The following DCP2 variants were observed in gnomAD, a reference collection of about 807,000 sequenced individuals.
DCP2 encodes decapping mRNA 2.
In DCP2, 30 loss-of-function variants were observed where a neutral mutation model predicts 56.1. The observed-to-expected ratio is 0.53, with a 90% CI of 0.40 to 0.73. The LOEUF is 0.73. DCP2 is among the 30% of genes least tolerant of loss of function. The probability of loss-of-function intolerance (pLI) is 0.00; values close to 1 mark genes in which losing one functional copy is unlikely to be tolerated. For missense variants in DCP2, 533 were observed against 502.7 expected (o/e 1.06, Z -0.58); for synonymous variants, 197 against 163.3 (o/e 1.21, Z -1.57).
At position 113,016,097 on chromosome 5, in the gene DCP2, T is replaced by A. The variant is rs570557013; in HGVS notation, c.*2613T>A. The A allele has an allele frequency of 6.5e-6, 1 of 152,752 alleles. No homozygotes were observed. The highest frequency in any genetic ancestry group is 1.9e-4 in the East Asian group (1 of 5,192). 9.5% of individuals were successfully genotyped at this position (152,752 alleles called of 1,614,324 possible). A position where few individuals can be genotyped will look rare whatever the true frequency, so the allele number is the denominator to read the frequency against. On this transcript the variant is annotated 3_prime_UTR_variant, in exon 11 of 11. Coordinates refer to ENST00000389063, the MANE Select transcript of DCP2 (RefSeq NM_152624.6). The stretch of plus-strand genomic sequence containing the variant: ...TGTGAATCTTTTATTTTTAAAAAAA[T>A]TTGTAGGTGCTTTTATGTATAACTT...
rs1175937992 is a variant in DCP2 at position 113,019,569 on chromosome 5, T to C, written c.*6085T>C. The C allele has an allele frequency of 6.6e-6, 1 of 152,168 alleles. No homozygotes were observed. Among genetic ancestry groups the C allele is most frequent in the Non-Finnish European group, 1.5e-5 (1 of 68,014 alleles). The allele number at this position is 152,168 out of a possible 1,614,324, so 9.4% of individuals were successfully genotyped here. A position where few individuals can be genotyped will look rare whatever the true frequency, so the allele number is the denominator to read the frequency against. ...TCTTTGGTCATATTTCACTTTAGAGTTAGGACAGGAGACAGCTAACCTGAC... is the reference window on the plus strand; with the variant it reads ...TCTTTGGTCATATTTCACTTTAGAGCTAGGACAGGAGACAGCTAACCTGAC... On this transcript the variant is annotated 3_prime_UTR_variant, in exon 11 of 11. Coordinates refer to ENST00000389063, the MANE Select transcript of DCP2 (RefSeq NM_152624.6).
intron 8 of DCP2, 62 bp from the exon 9 acceptor site, chr5:113,007,876 A>AT (rs1207745838): frequency 6.1e-5 from 86 of 1,404,112 alleles, no homozygotes; most frequent in South Asian, 1.3e-4. Flanking sequence ...TTCATGGGGT[A>AT]TTTTTTTTGT....
intron 2 of DCP2, among the ~76,000 whole-genome samples, chr5:112,986,332 ATTT>A (rs1039607788): frequency 1.4e-5 from 2 of 142,934 alleles, no homozygotes; most frequent in Non-Finnish European, 3.0e-5. Flanking sequence ...TTTATTTAGA[ATTT>A]TTTTTCTTTT....
chr5:113,002,236 A>T (rs1222487208), intron 7 of DCP2, among the ~76,000 whole-genome samples: 1 of 152,160 alleles, frequency 6.6e-6, no homozygotes, highest in Non-Finnish European at 1.5e-5. Flanking sequence ...CAGCCTGGTC[A>T]GCATGGTGAA....
At chr5:113,009,519 C>T (rs1377495892) in intron 9 of DCP2, among the ~76,000 whole-genome samples, 1 of 152,154 alleles carries the variant, frequency 6.6e-6, no homozygotes, top group Non-Finnish European at 1.5e-5. Context: ...ATAAAAATTA[C>T]TAATTGGTAC....
At chr5:113,003,330 G>A (rs1412835915) in intron 7 of DCP2, among the ~76,000 whole-genome samples, 3 of 152,126 alleles carry the variant, frequency 2.0e-5, no homozygotes, top group Non-Finnish European at 4.4e-5. Flanking sequence ...TCATTATCTT[G>A]TGCCCTTTAA....
At chr5:112,989,951 A>G (rs1432101690) in intron 2 of DCP2, among the ~76,000 whole-genome samples, 3 of 152,200 alleles carry the variant, frequency 2.0e-5, no homozygotes, top group African/African-American at 7.2e-5. Context: ...TCTGAGGAGA[A>G]GTAGAAGAAA....
Position 113,017,208 on chromosome 5 carries a change from C to T in DCP2, c.*3724C>T, listed in dbSNP as rs981133765. On this transcript the variant is annotated 3_prime_UTR_variant, in exon 11 of 11. Coordinates refer to ENST00000389063, the MANE Select transcript of DCP2 (RefSeq NM_152624.6). Reference sequence around the variant, plus strand: ...GTTATAGTAAAGTCAGACTCATTAACTTTTCTTCCTAGTAATTTTGACTTG... The same window carrying T: ...GTTATAGTAAAGTCAGACTCATTAATTTTTCTTCCTAGTAATTTTGACTTG... 2.0e-5 allele frequency: 3 copies of T among 152,162 alleles called. No individual in the cohort carries two copies. The highest frequency in any genetic ancestry group is 4.4e-5 in the Non-Finnish European group (3 of 68,038). 9.4% of individuals were successfully genotyped at this position (152,162 alleles called of 1,614,324 possible).
At chr5:113,001,973 T>TA (rs1461500479) in intron 7 of DCP2, among the ~76,000 whole-genome samples, 1 of 152,232 alleles carries the variant, frequency 6.6e-6, no homozygotes, top group African/African-American at 2.4e-5. Context: ...TTCTTAGTGT[T>TA]ACTTCTCTGT....
At chr5:113,007,493 T>A (rs1403376198) in intron 8 of DCP2, among the ~76,000 whole-genome samples, 1 of 152,008 alleles carries the variant, frequency 6.6e-6, no homozygotes, top group East Asian at 1.9e-4. Context: ...CTCCACCTCC[T>A]GGGTTCGGGT....
Position 112,981,735 on chromosome 5 carries a change from T to C in DCP2, c.54-4100T>C, listed in dbSNP as rs533743793. Among the ~76,000 whole-genome samples the C allele has an allele frequency of 2.7e-4, 41 of 152,294 alleles. 1 individual carries two copies. In the Middle Eastern group the frequency reaches 0.014, roughly 51 times the overall value. ...AGTTTTTTCTTTGGGGAAAGAAATATATGCTTTTGTTACTATTGCTTGATT... is the reference window on the plus strand; with the variant it reads ...AGTTTTTTCTTTGGGGAAAGAAATACATGCTTTTGTTACTATTGCTTGATT... On this transcript the variant is annotated intron_variant, in intron 1 of 10. Transcript: ENST00000389063.
At position 113,019,771 on chromosome 5, in the gene DCP2, A is replaced by T. The variant is rs953056645; in HGVS notation, c.*6287A>T. 1 of 152,258 alleles carries T rather than the reference A, an allele frequency of 6.6e-6. No homozygotes were observed. The highest frequency in any genetic ancestry group is 1.5e-5 in the Non-Finnish European group (1 of 68,040). 9.4% of individuals were successfully genotyped at this position (152,258 alleles called of 1,614,324 possible). On this transcript the variant is annotated 3_prime_UTR_variant, in exon 11 of 11. Coordinates refer to ENST00000389063, the MANE Select transcript of DCP2 (RefSeq NM_152624.6). ...AATCATCCTTGGTAATTATTGACTT[A>T]TCCTAGATCCATGTACAATTCAGAC...
intron 9 of DCP2, among the ~76,000 whole-genome samples, chr5:113,009,220 A>G (rs1749575002): frequency 1.3e-5 from 2 of 152,238 alleles, no homozygotes; most frequent in African/African-American, 4.8e-5. Flanking sequence ...TATGATACCA[A>G]TAAAATTCTT....
chr5:113,000,425 C>CA, intron 4 of DCP2, among the ~76,000 whole-genome samples: 3 of 151,262 alleles, frequency 2.0e-5, no homozygotes, highest in Admixed American at 6.6e-5. Context: ...CACACACACA[C>CA]CCACACACCC....
chr5:112,986,356 G>C (rs1003949922), intron 2 of DCP2, among the ~76,000 whole-genome samples: 7 of 146,424 alleles, frequency 4.8e-5, no homozygotes, highest in Non-Finnish European at 1.5e-5. Flanking sequence ...TTTTTTTTAA[G>C]AGACAGGATC....
At position 113,010,827 on chromosome 5, in the gene DCP2, T is replaced by C. The variant is rs1749653858; in HGVS notation, c.1099+20T>C. 1.9e-6 allele frequency: 3 copies of C among 1,594,872 alleles called. No individual in the cohort carries two copies. Among genetic ancestry groups the C allele is most frequent in the Non-Finnish European group, 1.7e-6 (2 of 1,175,014 alleles). ...AAACAGGCAAGTCATTTCCTATCTTTTTATAATCTCTGCCTTGTGGGATTT... is the reference window on the plus strand; with the variant it reads ...AAACAGGCAAGTCATTTCCTATCTTCTTATAATCTCTGCCTTGTGGGATTT... On this transcript the variant is annotated intron_variant, in intron 10 of 10. Transcript: ENST00000389063.
chr5:113,009,887 G>A (rs1749602846), intron 9 of DCP2, among the ~76,000 whole-genome samples: 1 of 151,490 alleles, frequency 6.6e-6, no homozygotes, highest in African/African-American at 2.4e-5. Context: ...AATTAGCTCT[G>A]GGTTGAGAAA....
At chr5:113,005,299 G>T (rs970441823) in intron 8 of DCP2, among the ~76,000 whole-genome samples, 15 of 152,102 alleles carry the variant, frequency 9.9e-5, no homozygotes, top group East Asian at 1.9e-4. Flanking sequence ...AATATGTAAA[G>T]AATTCTTAGA....
intron 8 of DCP2, among the ~76,000 whole-genome samples, chr5:113,005,551 T>C (rs4705745): frequency 0.49 from 73,798 of 152,062 alleles, 19,170 homozygotes; most frequent in East Asian, 0.65. Context: ...TGTGCATTGC[T>C]GATGGGAGTG....
Sources: allele counts gnomAD v4.1 joint callset (sites outside exome capture counted in the v4.1 genomes callset), GRCh38; gene constraint gnomAD v4.1.1; transcripts MANE v1.5; gene names NCBI Gene and HGNC (gene_info 2026-07-23, HGNC 2026-07-21).